Variants in FOCAD observed in about 807,000 individuals in gnomAD.
FOCAD encodes KIAA1797.
FOCAD carries 198 observed loss-of-function variants against 225.6 expected under a neutral mutation model. The observed-to-expected ratio is 0.88, with a 90% CI of 0.78 to 0.99. The LOEUF (loss-of-function observed/expected upper bound fraction) is 0.99. Ranked by LOEUF, FOCAD falls within the 50% of genes least tolerant of loss-of-function variation. The probability of loss-of-function intolerance (pLI) is 0.00; values close to 1 mark genes in which losing one functional copy is unlikely to be tolerated. For synonymous variants in FOCAD, 897 were observed against 755.0 expected, an observed-to-expected ratio of 1.19 and a Z score of -3.08; for missense variants, 2,713 against 2,123.6, an observed-to-expected ratio of 1.28 and a Z score of -5.46.
intron 6 of FOCAD, among the ~76,000 whole-genome samples, chr9:20,763,486 A>G (rs886971441): frequency 3.9e-5 from 6 of 152,234 alleles, no homozygotes; most frequent in East Asian, 1.9e-4. Context: ...TGTAATGGCA[A>G]TAAAGGCATT....
Position 20,993,233 on chromosome 9 carries a change from A to C in FOCAD, c.5257-20A>C, listed in dbSNP as rs778941630. 1 of 1,602,346 alleles carries C rather than the reference A, an allele frequency of 6.2e-7. No homozygotes were observed. Among genetic ancestry groups the C allele is most frequent in the African/African-American group, 1.3e-5 (1 of 74,750 alleles). The stretch of plus-strand genomic sequence containing the variant: ...TGGTAGGATTCTCTTCTTTGACACT[A>C]TTTTTCATTTTTACCCTAGTTCATT... On this transcript the variant is annotated intron_variant, in intron 42 of 43. Transcript: ENST00000338382.
intron 2 of FOCAD, among the ~76,000 whole-genome samples, chr9:20,670,044 G>T (rs1489884988): frequency 1.3e-5 from 2 of 152,194 alleles, no homozygotes; most frequent in African/African-American, 4.8e-5. Flanking sequence ...TATGATGGCA[G>T]CATGGGTTTA....
chr9:20,656,563 G>A (rs948688856), upstream of FOCAD, among the ~76,000 whole-genome samples: 13 of 151,670 alleles, frequency 8.6e-5, no homozygotes, highest in African/African-American at 2.7e-4. Context: ...ATCTTTGTTG[G>A]TTTAAAGTCT....
chr9:20,808,837 C>T (rs911904337), intron 11 of FOCAD, among the ~76,000 whole-genome samples: 1 of 152,196 alleles, frequency 6.6e-6, no homozygotes, highest in East Asian at 1.9e-4. Flanking sequence ...GGACATTTAA[C>T]ATCCACTTTA....
chr9:20,904,941 A>G (rs1039570916), intron 21 of FOCAD, among the ~76,000 whole-genome samples: 2 of 152,086 alleles, frequency 1.3e-5, no homozygotes, highest in African/African-American at 2.4e-5. Flanking sequence ...ACTATACAGT[A>G]TATTAAATTG....
At chr9:20,774,993 GAAATA>G (rs1281428833) in intron 8 of FOCAD, among the ~76,000 whole-genome samples, 20 of 152,170 alleles carry the variant, frequency 1.3e-4, no homozygotes, top group Non-Finnish European at 2.9e-5. Context: ...ACTACAATTT[GAAATA>G]AAATGAAGTA....
intron 4 of FOCAD, among the ~76,000 whole-genome samples, chr9:20,720,891 T>C (rs1825720684): frequency 6.6e-6 from 1 of 152,262 alleles, no homozygotes; most frequent in Non-Finnish European, 1.5e-5. Flanking sequence ...GTATAGTTTA[T>C]ACATTGTAGT....
At chr9:20,823,153 A>T in intron 15 of FOCAD, 38 bp downstream of exon 15, 1 of 1,584,186 alleles carries the variant, frequency 6.3e-7, no homozygotes, top group Non-Finnish European at 8.6e-7. Context: ...ATTTTGAAGA[A>T]AATCTTTTAT....
At chr9:20,714,634 G>GCCTGCCTGCCTGCCTGCCTGCCTT (rs1270720981) in intron 1 of FOCAD, among the ~76,000 whole-genome samples, 57 of 120,080 alleles carry the variant, frequency 4.7e-4, no homozygotes, top group Middle Eastern at 4.1e-3. Flanking sequence ...CTGCCTGCCT[G>GCCTGCCTGCCTGCCTGCCTGCCTT]CCTTCCTTCC....
chr9:20,895,794 A>G (rs992216951), intron 21 of FOCAD, among the ~76,000 whole-genome samples: 2 of 151,822 alleles, frequency 1.3e-5, no homozygotes, highest in Non-Finnish European at 2.9e-5. Flanking sequence ...GATTTTCTAT[A>G]TAGACACTCA....
At chr9:20,912,020 A>G (rs1337687989) in intron 22 of FOCAD, among the ~76,000 whole-genome samples, 1 of 152,112 alleles carries the variant, frequency 6.6e-6, no homozygotes, top group Non-Finnish European at 1.5e-5. Context: ...GAAAAAATTA[A>G]AAGCCTGACA....
upstream of FOCAD, among the ~76,000 whole-genome samples, chr9:20,656,621 A>G (rs56225494): frequency 0.21 from 31,383 of 150,222 alleles, 3,564 homozygotes; most frequent in Non-Finnish European, 0.26. Flanking sequence ...TTTGTTTTCC[A>G]TTTGCTTGGT....
intron 35 of FOCAD, among the ~76,000 whole-genome samples, chr9:20,962,656 T>G (rs1405772406): frequency 6.6e-6 from 1 of 152,106 alleles, no homozygotes; most frequent in Non-Finnish European, 1.5e-5. Flanking sequence ...GTAGCCAAAG[T>G]ATGTGCGATA....
intron 15 of FOCAD, among the ~76,000 whole-genome samples, chr9:20,856,161 GA>G (rs1247251727): frequency 6.6e-6 from 1 of 151,618 alleles, no homozygotes; most frequent in Admixed American, 6.6e-5. Context: ...TAATTTTTTT[GA>G]GAAAACTCCA....
chr9:20,783,921 A>C (rs1819651947), intron 10 of FOCAD, among the ~76,000 whole-genome samples: 1 of 152,204 alleles, frequency 6.6e-6, no homozygotes, highest in Non-Finnish European at 1.5e-5. Context: ...ATGAATTATT[A>C]GCAAGAGGTG....
At chr9:20,771,268 C>G (rs1046782748) in intron 8 of FOCAD, among the ~76,000 whole-genome samples, 2 of 152,212 alleles carry the variant, frequency 1.3e-5, no homozygotes, top group Non-Finnish European at 1.5e-5. Flanking sequence ...CCATGCCACA[C>G]AAATGAGTTT....
chr9:20,681,019 C>CA (rs1822384196), upstream of FOCAD, among the ~76,000 whole-genome samples: 1 of 151,962 alleles, frequency 6.6e-6, no homozygotes, highest in African/African-American at 2.4e-5. Flanking sequence ...AAGCCAAAAA[C>CA]AAAAAACAGC....
At chr9:20,772,646 A>G (rs1292700938) in intron 8 of FOCAD, among the ~76,000 whole-genome samples, 1 of 152,102 alleles carries the variant, frequency 6.6e-6, no homozygotes, top group East Asian at 1.9e-4. Context: ...TGTTAACATT[A>G]GAGGGGCAGT....
intron 7 of FOCAD, 31 bp from the exon 8 acceptor site, chr9:20,770,001 T>A (rs1198254537): frequency 1.9e-6 from 3 of 1,572,746 alleles, no homozygotes; most frequent in Non-Finnish European, 2.6e-6. Flanking sequence ...TTGTGTATTT[T>A]TTAATATCAT....
Sources: gnomAD v4.1 joint callset for allele counts (sites outside exome capture counted in the v4.1 genomes callset) on GRCh38, gnomAD v4.1.1 for gene constraint, MANE v1.5 for transcripts, NCBI Gene and HGNC (gene_info 2026-07-23, HGNC 2026-07-21) for gene names.